ZFP92: variants seen among roughly 807,000 people sequenced by gnomAD.
ZFP92 encodes the protein ZFP92 zinc finger protein.
ZFP92 carries 2 observed loss-of-function variants against 7.6 expected under a neutral mutation model. The ratio of observed to expected loss-of-function variants is 0.26; its 90% confidence interval spans 0.11 to 0.83. The LOEUF is 0.83. ZFP92 is among the 40% of genes least tolerant of loss of function. The probability of loss-of-function intolerance (pLI) is 0.65; values close to 1 mark genes in which losing one functional copy is unlikely to be tolerated. For synonymous variants in ZFP92, 226 were observed against 183.6 expected, an observed-to-expected ratio of 1.23 and a Z score of -1.87; for missense variants, 324 against 408.3, an observed-to-expected ratio of 0.79 and a Z score of 1.78.
chrX:153,415,605 G>A (rs782404269), intron 2 of ZFP92, among the ~76,000 whole-genome samples: 3 of 111,655 alleles, frequency 2.7e-5, no homozygotes, highest in Non-Finnish European at 5.6e-5. Flanking sequence ...TTCTTTGGGG[G>A]TATATACCCA....
At chrX:153,416,991 G>GGA (rs1232109946) in intron 2 of ZFP92, among the ~76,000 whole-genome samples, 1 of 111,418 alleles carries the variant, frequency 9.0e-6, no homozygotes, top group African/African-American at 3.3e-5. Context: ...CACCCCTGAG[G>GGA]GAGGGCATTA....
At position 153,411,511 on chromosome X, in the gene ZFP92, C is replaced by G. The variant is rs2088906419; in HGVS notation, c.-260C>G. Among the ~76,000 whole-genome samples the G allele has an allele frequency of 8.9e-6, 1 of 112,098 alleles. No homozygotes were observed. The highest frequency in any genetic ancestry group is 1.9e-5 in the Non-Finnish European group (1 of 52,930). On this transcript the variant is annotated 5_prime_UTR_variant, in exon 1 of 6. Coordinates refer to ENST00000338647, the MANE Select transcript of ZFP92 (RefSeq NM_001136273.2). Reference sequence around the variant, plus strand: ...CGCTCGTCGGCGCACCAGACTGAGACTCCCCTTCAGGACGCTCTTCGCGAG... The same window carrying G: ...CGCTCGTCGGCGCACCAGACTGAGAGTCCCCTTCAGGACGCTCTTCGCGAG...
chrX:153,421,568 G>T lies in ZFP92; in HGVS notation c.1191G>T (p.Ala397=). ...PGSTGPGSAV[A]ATSPPRPSTA... is the part of the protein sequence containing the mutation. Reference sequence around the variant, plus strand: ...GCACCGGCCCTGGGAGCGCGGTGGCGGCCACCAGCCCCCCGCGGCCGAGCA... The same window carrying T: ...GCACCGGCCCTGGGAGCGCGGTGGCTGCCACCAGCCCCCCGCGGCCGAGCA... Residue 397 remains alanine (A), a synonymous_variant, in exon 6 of 6, where the codon GCG becomes GCT. Coordinates refer to ENST00000338647, the MANE Select transcript of ZFP92 (RefSeq NM_001136273.2). 1 of 1,069,864 alleles carries T rather than the reference G, an allele frequency of 9.3e-7. No homozygotes were observed. The highest frequency in any genetic ancestry group is 1.2e-6 in the Non-Finnish European group (1 of 834,376). The allele number at this position is 1,069,864 out of a possible 1,213,427, so 88.2% of individuals were successfully genotyped here. A position where few individuals can be genotyped will look rare whatever the true frequency, so the allele number is the denominator to read the frequency against.
At chrX:153,419,559 C>A (rs2088981447) in intron 4 of ZFP92, among the ~76,000 whole-genome samples, 1 of 112,475 alleles carries the variant, frequency 8.9e-6, no homozygotes, top group Non-Finnish European at 1.9e-5. Context: ...GTGTGCCCAG[C>A]AAGGCTGGCT....
rs191760934 is a variant in ZFP92 at position 153,424,322 on chromosome X, C to T, written c.*2694C>T. 3.6e-5 allele frequency: 4 copies of T among 112,396 alleles called. No homozygotes were observed. In the East Asian group the frequency reaches 1.1e-3, roughly 31 times the overall value. 9.3% of individuals were successfully genotyped at this position (112,396 alleles called of 1,213,427 possible). A position where few individuals can be genotyped will look rare whatever the true frequency, so the allele number is the denominator to read the frequency against. On this transcript the variant is annotated 3_prime_UTR_variant, in exon 6 of 6. Coordinates refer to ENST00000338647, the MANE Select transcript of ZFP92 (RefSeq NM_001136273.2). The stretch of plus-strand genomic sequence containing the variant: ...TTTATCATTGCTTAGTCTAATTTAG[C>T]TCCCCATAATGACATTCTCACTGCA...
rs6643741 is a variant in ZFP92, at chrX:153,415,620, T to G, written c.-18-2685T>G. ...TTCTTTGGGGGTATATACCCAGAAGTGGAATTGCCGGGTCATATGATAACT... is the reference window on the plus strand; with the variant it reads ...TTCTTTGGGGGTATATACCCAGAAGGGGAATTGCCGGGTCATATGATAACT... On this transcript the variant is annotated intron_variant, in intron 2 of 5. Coordinates refer to ENST00000338647, the MANE Select transcript of ZFP92 (RefSeq NM_001136273.2). Among the ~76,000 whole-genome samples, 255 of 111,727 alleles carry G rather than the reference T, an allele frequency of 2.3e-3. 7 individuals are homozygous for G. The East Asian group carries it at 0.067, about 29-fold the overall frequency.
rs2089005455 is a variant in ZFP92, at chrX:153,421,604, G to A, written c.1227G>A (p.Arg409=). ...TSPPRPSTAA[R]PSRPSRR ...CCCCGCGGCCGAGCACAGCCGCCAGGCCTTCCAGGCCCAGCCGCCGCTGAC... is the reference window on the plus strand; with the variant it reads ...CCCCGCGGCCGAGCACAGCCGCCAGACCTTCCAGGCCCAGCCGCCGCTGAC... The change falls in exon 6 of 6, where the codon AGG becomes AGA. Residue 409 remains arginine, a synonymous_variant. Coordinates refer to ENST00000338647, the MANE Select transcript of ZFP92 (RefSeq NM_001136273.2). The A allele has an allele frequency of 2.0e-6, 2 of 1,001,728 alleles. No homozygotes were observed. Among genetic ancestry groups the A allele is most frequent in the Admixed American group, 1.1e-4 (2 of 18,111 alleles). 82.6% of individuals were successfully genotyped at this position (1,001,728 alleles called of 1,213,427 possible).
In ZFP92 at chrX:153,424,687, T is replaced by C. The variant is rs2089031275; in HGVS notation, c.*3059T>C. 1.8e-5 allele frequency: 2 copies of C among 112,465 alleles called. No homozygotes were observed. The highest frequency in any genetic ancestry group is 1.9e-4 in the Admixed American group (2 of 10,659). The allele number at this position is 112,465 out of a possible 1,213,427, so 9.3% of individuals were successfully genotyped here. Reference sequence around the variant, plus strand: ...TTTGGGCTTTTGCCCTTTGAAACTGTGAATGCTTCAAGAGCCACATAAATG... The same window carrying C: ...TTTGGGCTTTTGCCCTTTGAAACTGCGAATGCTTCAAGAGCCACATAAATG... On this transcript the variant is annotated 3_prime_UTR_variant, in exon 6 of 6. Transcript: ENST00000338647.
In ZFP92 at chrX:153,420,809, C is replaced by T. The variant is rs1556974785; in HGVS notation, c.432C>T (p.Gly144=). The T allele has an allele frequency of 8.5e-7, 1 of 1,169,729 alleles. No homozygotes were observed. The highest frequency in any genetic ancestry group is 1.1e-6 in the Non-Finnish European group (1 of 873,969). The change falls in exon 6 of 6, where the codon GGC becomes GGT. Residue 144 remains glycine (G), a synonymous_variant. Transcript: ENST00000338647. ...AGAGTTCGGCTGCGGGGCCGCAGGG[C>T]CCCAAAGGCGCGGAGAAGCGGTACC... ...LGQSSAAGPQ[G]PKGAEKRYLC... is the part of the protein sequence containing the mutation.
At chrX:153,420,571 T>A (rs2088990090) in intron 5 of ZFP92, 72 bp from the exon 6 acceptor site, 23 of 1,095,415 alleles carry the variant, frequency 2.1e-5, no homozygotes, top group Non-Finnish European at 2.7e-5. Context: ...TCCCCCTATG[T>A]TCTCACCTCC....
intron 2 of ZFP92, among the ~76,000 whole-genome samples, chrX:153,416,696 A>AC (rs1192085425): frequency 1.8e-5 from 2 of 111,130 alleles, no homozygotes; most frequent in Admixed American, 9.6e-5. Flanking sequence ...ACAATCTTTT[A>AC]CCCCCCTGTC....
chrX:153,412,504 C>T (rs2088916777), intron 2 of ZFP92, among the ~76,000 whole-genome samples: 1 of 112,400 alleles, frequency 8.9e-6, no homozygotes, highest in South Asian at 3.7e-4. Flanking sequence ...TGTTAAAAGG[C>T]AGTAAGAGCC....
chrX:153,418,201 G>C lies in ZFP92; in HGVS notation c.-18-104G>C, dbSNP rs189387813. 31 of 928,024 alleles carry C rather than the reference G, an allele frequency of 3.3e-5. No individual in the cohort carries two copies. The East Asian group carries it at 1.1e-3, about 32-fold the overall frequency. The allele number at this position is 928,024 out of a possible 1,213,427, so 76.5% of individuals were successfully genotyped here. On this transcript the variant is annotated intron_variant, in intron 2 of 5. Coordinates refer to ENST00000338647, the MANE Select transcript of ZFP92 (RefSeq NM_001136273.2). ...AGTGAGAACACCACAGGTGGCCGCT[G>C]TGCTTATTTCACAAGAAAAACTAAG...
chrX:153,420,320 G>A lies in ZFP92; in HGVS notation c.253G>A (p.Gly85Arg). 8.6e-7 allele frequency: 1 copy of A among 1,165,460 alleles called. No individual in the cohort carries two copies. The highest frequency in any genetic ancestry group is 1.1e-6 in the Non-Finnish European group (1 of 871,564). Residue 85 changes from glycine (G) to arginine (R), a missense_variant, in exon 5 of 6, where the codon GGA becomes AGA. By Grantham distance (125) the Gly-to-Arg change is moderately radical. Coordinates refer to ENST00000338647, the MANE Select transcript of ZFP92 (RefSeq NM_001136273.2). ...ADIPRTWATA[G>R]LHIGDRTQSK... ...CATCCCCAGAACCTGGGCCACCGCA[G>A]GATTGCACATAGGTGAGTGAGAGGT...
chrX:153,414,240 T>C (rs2088932733), intron 2 of ZFP92, among the ~76,000 whole-genome samples: 1 of 112,750 alleles, frequency 8.9e-6, no homozygotes, highest in Non-Finnish European at 1.9e-5. Context: ...TCCCAGTGAC[T>C]GACAGTGTGT....
At chrX:153,418,614 C>T in intron 3 of ZFP92, 59 bp from the exon 4 acceptor site, 1 of 1,150,946 alleles carries the variant, frequency 8.7e-7, no homozygotes, top group African/African-American at 1.8e-5. Flanking sequence ...TTTCTGTCAG[C>T]TCCTCCAGGG....
rs2088987327 is a variant in ZFP92, at chrX:153,420,282, C to T, written c.215C>T (p.Pro72Leu). ...TCCCAATTGGAACGAGGGGAAGGAC[C>T]CTGGGTAGCAGACATCCCCAGAACC... ...LISQLERGEG[P>L]WVADIPRTWA... The change falls in exon 5 of 6, where the codon CCC (proline) becomes CTC (leucine). Residue 72 changes from proline to leucine, a missense_variant. Physicochemically the swap from Pro to Leu is moderately conservative, Grantham distance 98. Transcript: ENST00000338647. 2 of 1,167,798 alleles carry T rather than the reference C, an allele frequency of 1.7e-6. No homozygotes were observed. The highest frequency in any genetic ancestry group is 2.3e-6 in the Non-Finnish European group (2 of 872,948).
In ZFP92 at chrX:153,418,304, G is replaced by C; in HGVS notation, c.-18-1G>C. 8.6e-7 allele frequency: 1 copy of C among 1,167,411 alleles called. No homozygotes were observed. The highest frequency in any genetic ancestry group is 1.1e-6 in the Non-Finnish European group (1 of 872,878). On this transcript the variant is annotated splice_acceptor_variant, in intron 2 of 5. Coordinates refer to ENST00000338647, the MANE Select transcript of ZFP92 (RefSeq NM_001136273.2). LOFTEE classifies it low-confidence loss of function (5UTR_SPLICE). ...CAGGGGGCTCTTTGCATTTCCCTTA[G>C]CTCCTCTGCGCCCTGGTGATGGCAG...
At position 153,425,798 on chromosome X, in the gene ZFP92, G is replaced by A. The variant is rs1401306299; in HGVS notation, c.*4170G>A. 1.8e-5 allele frequency: 2 copies of A among 111,212 alleles called. No homozygotes were observed. The highest frequency in any genetic ancestry group is 9.5e-5 in the Admixed American group (1 of 10,528). 9.2% of individuals were successfully genotyped at this position (111,212 alleles called of 1,213,427 possible). The stretch of plus-strand genomic sequence containing the variant: ...GCATCTATCACTGTCTTCACAAAAC[G>A]GGGGTCCTCCAGGAGTTCTGGACAG... On this transcript the variant is annotated 3_prime_UTR_variant, in exon 6 of 6. Transcript: ENST00000338647.
Sources: gnomAD v4.1 joint callset for allele counts (sites outside exome capture counted in the v4.1 genomes callset) on GRCh38, gnomAD v4.1.1 for gene constraint, MANE v1.5 for transcripts, NCBI Gene and HGNC (gene_info 2026-07-23, HGNC 2026-07-21) for gene names.